The following CLIP1 variants were observed in gnomAD, a reference collection of about 807,000 sequenced individuals.
CLIP1 encodes CAP-Gly domain-containing linker protein 1.
In CLIP1, 66 loss-of-function variants were observed where a neutral mutation model predicts 161.6. That is an observed-to-expected ratio of 0.41 (90% confidence interval 0.33 to 0.50). CLIP1 has a LOEUF of 0.50. Among genes scored for constraint, CLIP1 ranks in the 20% least tolerant of loss-of-function variants. The probability of loss-of-function intolerance (pLI) is 0.27; values close to 1 mark genes in which losing one functional copy is unlikely to be tolerated. For missense variants in CLIP1, 1,376 were observed against 1,702.0 expected, an observed-to-expected ratio of 0.81 and a Z score of 3.37; for synonymous variants, 598 against 626.2, an observed-to-expected ratio of 0.96 and a Z score of 0.67.
chr12:122,310,844 A>G (rs976304678), intron 19 of CLIP1, among the ~76,000 whole-genome samples: 1 of 152,144 alleles, frequency 6.6e-6, no homozygotes, highest in African/African-American at 2.4e-5. Context: ...TCTATTTTTA[A>G]CTTCAATTGT....
intron 20 of CLIP1, among the ~76,000 whole-genome samples, chr12:122,299,611 G>GAAAAAAAAAAAAA (rs1491546237): frequency 1.4e-4 from 5 of 34,558 alleles, no homozygotes; most frequent in South Asian, 1.8e-3. Flanking sequence ...AATAAATTCA[G>GAAAAAAAAAAAAA]CAAAAAAAAA....
intron 5 of CLIP1, among the ~76,000 whole-genome samples, chr12:122,357,132 G>A (rs139864969): frequency 0.052 from 7,822 of 151,746 alleles, 508 homozygotes; most frequent in African/African-American, 0.16. Flanking sequence ...CTGCCCGGCC[G>A]CCATCTCATC....
intron 11 of CLIP1, among the ~76,000 whole-genome samples, chr12:122,338,135 C>G (rs1952329367): frequency 6.7e-6 from 1 of 149,538 alleles, no homozygotes; most frequent in Non-Finnish European, 1.5e-5. Flanking sequence ...GTCAGGAGTT[C>G]AAGACCAGCC....
intron 3 of CLIP1, among the ~76,000 whole-genome samples, chr12:122,370,850 T>C (rs1230490249): frequency 6.7e-6 from 1 of 150,050 alleles, no homozygotes; most frequent in Non-Finnish European, 1.5e-5. Flanking sequence ...CCCAGCTACA[T>C]GGGAGGCTGG....
At chr12:122,374,378 T>C (rs1383970319) in intron 3 of CLIP1, among the ~76,000 whole-genome samples, 1 of 150,282 alleles carries the variant, frequency 6.7e-6, no homozygotes, top group Non-Finnish European at 1.5e-5. Context: ...CCCAGCAGTT[T>C]GGGAGGCCGA....
intron 3 of CLIP1, among the ~76,000 whole-genome samples, chr12:122,376,823 C>A (rs1363290799): frequency 6.6e-6 from 1 of 151,958 alleles, no homozygotes; most frequent in Non-Finnish European, 1.5e-5. Flanking sequence ...ACTCAATATT[C>A]TTTTAGCTAA....
intron 23 of CLIP1, 81 bp downstream of exon 23, chr12:122,278,711 C>A: frequency 7.0e-7 from 1 of 1,429,952 alleles, no homozygotes; most frequent in Non-Finnish European, 9.4e-7. Flanking sequence ...TGAGAGCTGT[C>A]TTCGAAGAGC....
chr12:122,363,835 G>GA, intron 4 of CLIP1, 148 bp downstream of exon 4: 24 of 1,030,844 alleles, frequency 2.3e-5, no homozygotes, highest in Non-Finnish European at 2.9e-5. Context: ...TTAGTGTGGG[G>GA]AAAAAAAATT....
intron 1 of CLIP1, among the ~76,000 whole-genome samples, chr12:122,387,371 T>G (rs905516845): frequency 4.6e-5 from 7 of 152,006 alleles, no homozygotes; most frequent in Admixed American, 1.3e-4. Flanking sequence ...GGATAAGAAC[T>G]GTACATGCTG....
At chr12:122,305,594 C>T (rs1345022878) in intron 20 of CLIP1, among the ~76,000 whole-genome samples, 2 of 152,154 alleles carry the variant, frequency 1.3e-5, no homozygotes, top group African/African-American at 2.4e-5. Flanking sequence ...AAAGCTACTG[C>T]GATGGTTAAT....
In CLIP1 at chr12:122,352,710, G is replaced by A. The variant is rs899492688; in HGVS notation, c.1368+16C>T. Reference sequence around the variant, plus strand: ...TGATACCCATAAAAGCTGTAAGAGAGCTGGAGGGGTTTTACCTCAAGATCA... The same window carrying A: ...TGATACCCATAAAAGCTGTAAGAGAACTGGAGGGGTTTTACCTCAAGATCA... On this transcript the variant is annotated intron_variant, in intron 8 of 25. Transcript: ENST00000620786. 1 of 1,607,978 alleles carries A rather than the reference G, an allele frequency of 6.2e-7. No homozygotes were observed. The highest frequency in any genetic ancestry group is 1.1e-5 in the South Asian group (1 of 90,958).
chr12:122,320,664 C>T (rs1163245406), intron 17 of CLIP1, among the ~76,000 whole-genome samples: 1 of 150,654 alleles, frequency 6.6e-6, no homozygotes, highest in African/African-American at 2.4e-5. Context: ...GCAGAGGTTG[C>T]AGTGAGCCAA....
intron 1 of CLIP1, among the ~76,000 whole-genome samples, chr12:122,407,458 C>G (rs1956364344): frequency 6.6e-6 from 1 of 152,056 alleles, no homozygotes; most frequent in African/African-American, 2.4e-5. Context: ...CCTGCAATCT[C>G]AGCACTTTGG....
At chr12:122,351,930 T>C (rs1486224555) in intron 8 of CLIP1, among the ~76,000 whole-genome samples, 2 of 152,230 alleles carry the variant, frequency 1.3e-5, no homozygotes, top group African/African-American at 4.8e-5. Flanking sequence ...TTCTTAGTTT[T>C]TGCTCTGCTA....
At chr12:122,306,779 A>C (rs1430536420) in intron 20 of CLIP1, among the ~76,000 whole-genome samples, 1 of 152,166 alleles carries the variant, frequency 6.6e-6, no homozygotes, top group African/African-American at 2.4e-5. Flanking sequence ...CAGAAAAAAA[A>C]AGTACCAGTA....
rs185542438 is a variant in CLIP1 at position 122,365,091 on chromosome 12, G to C, written c.658-984C>G. Among the ~76,000 whole-genome samples, 53 of 150,418 alleles carry C rather than the reference G, an allele frequency of 3.5e-4. 1 individual carries two copies. The East Asian group carries it at 9.1e-3, about 26-fold the overall frequency. On this transcript the variant is annotated intron_variant, in intron 3 of 25. Transcript: ENST00000620786. ...CACACTCTGGGGACTGTTGTGGGGT[G>C]GGGGGAGAGGAGAGGGATAGCATTA...
intron 10 of CLIP1, among the ~76,000 whole-genome samples, chr12:122,344,854 T>C (rs1185955002): frequency 6.6e-6 from 1 of 152,186 alleles, no homozygotes; most frequent in Non-Finnish European, 1.5e-5. Context: ...GAAACTTACA[T>C]GGGTAGCTGG....
chr12:122,300,696 C>T (rs1221309721), intron 20 of CLIP1, among the ~76,000 whole-genome samples: 1 of 152,172 alleles, frequency 6.6e-6, no homozygotes, highest in Non-Finnish European at 1.5e-5. Flanking sequence ...TCCTGAGTAG[C>T]CGCCCGTATT....
At chr12:122,408,248 G>A (rs1173347994) in intron 1 of CLIP1, among the ~76,000 whole-genome samples, 4 of 151,122 alleles carry the variant, frequency 2.6e-5, no homozygotes, top group South Asian at 2.1e-4. Flanking sequence ...AAAAAAAAAG[G>A]TTCTTGTTTT....
Sources: allele counts gnomAD v4.1 joint callset (sites outside exome capture counted in the v4.1 genomes callset), GRCh38; gene constraint gnomAD v4.1.1; transcripts MANE v1.5; gene names NCBI Gene and HGNC (gene_info 2026-07-23, HGNC 2026-07-21).